HECW1: variants seen among roughly 807,000 people sequenced by gnomAD.
The protein encoded by HECW1 is HECT, C2 and WW domain containing E3 ubiquitin protein ligase 1.
In HECW1, 61 loss-of-function variants were observed where a neutral mutation model predicts 182.3. That is an observed-to-expected ratio of 0.33 (90% confidence interval 0.27 to 0.41). The LOEUF (loss-of-function observed/expected upper bound fraction) is 0.41, where lower values mean the gene tolerates loss of function less well. Among genes scored for constraint, HECW1 ranks in the 10% least tolerant of loss-of-function variants. The pLI, the probability that HECW1 is intolerant of heterozygous loss-of-function variation, is 1.00. For synonymous variants in HECW1, 859 were observed against 832.6 expected (o/e 1.03, Z -0.55); for missense variants, 1,739 against 2,108.9 (o/e 0.82, Z 3.44).
In HECW1 at chr7:43,444,810, C is replaced by A. The variant is rs761337818; in HGVS notation, c.1638C>A (p.Ile546=). 22 of 1,613,944 alleles carry A rather than the reference C, an allele frequency of 1.4e-5. No homozygotes were observed. The highest frequency in any genetic ancestry group is 1.7e-5 in the Admixed American group (1 of 60,016). ...SLPVSELETV[I]ASACGDPETP... ...CTGTGTCCGAGCTGGAGACGGTGATCGCGTCAGCCTGCGGGGACCCCGAGA... is the reference window on the plus strand; with the variant it reads ...CTGTGTCCGAGCTGGAGACGGTGATAGCGTCAGCCTGCGGGGACCCCGAGA... The change falls in exon 11 of 30, where the codon ATC becomes ATA. Residue 546 remains isoleucine, a synonymous_variant. Transcript: ENST00000395891. This position sits in a 1 kb window ranked among gnomAD's most constrained non-coding sequence, Gnocchi z 4.3.
intron 3 of HECW1, among the ~76,000 whole-genome samples, chr7:43,280,329 G>T (rs560016009): frequency 6.6e-6 from 1 of 152,098 alleles, no homozygotes; most frequent in African/African-American, 2.4e-5. Context: ...GACCTTACCC[G>T]TCCAGTGTCA....
intron 28 of HECW1, 24 bp downstream of exon 28, chr7:43,552,360 A>AT: frequency 5.4e-6 from 7 of 1,302,070 alleles, no homozygotes; most frequent in Non-Finnish European, 7.8e-6. Context: ...AGCTGTAATG[A>AT]TGCAATGATC....
intron 27 of HECW1, among the ~76,000 whole-genome samples, chr7:43,551,474 TA>T: frequency 6.6e-6 from 1 of 151,958 alleles, no homozygotes; most frequent in East Asian, 2.0e-4. Flanking sequence ...AAATAAGTCA[TA>T]ATTGCATGTG....
At chr7:43,252,126 T>G (rs141310163) in intron 3 of HECW1, among the ~76,000 whole-genome samples, 156 of 152,292 alleles carry the variant, frequency 1.0e-3, no homozygotes, top group Non-Finnish European at 2.0e-3. Context: ...CTGCGAGCCC[T>G]CTACTCAGCA....
At chr7:43,484,934 C>T (rs151170835) in intron 17 of HECW1, among the ~76,000 whole-genome samples, 203 of 152,266 alleles carry the variant, frequency 1.3e-3, no homozygotes, top group South Asian at 5.4e-3. Context: ...CCCATCTTAG[C>T]AAGGAAATCA....
At chr7:43,265,435 C>T (rs1293071849) in intron 3 of HECW1, among the ~76,000 whole-genome samples, 1 of 152,164 alleles carries the variant, frequency 6.6e-6, no homozygotes, top group Non-Finnish European at 1.5e-5. Flanking sequence ...GATTTTATTA[C>T]AGAAGCATAA....
At chr7:43,520,367 C>G (rs2080402498) in intron 24 of HECW1, among the ~76,000 whole-genome samples, 1 of 152,142 alleles carries the variant, frequency 6.6e-6, no homozygotes, top group African/African-American at 2.4e-5. Flanking sequence ...ACAGCCAAAG[C>G]ACGAGGACCA....
intron 7 of HECW1, among the ~76,000 whole-genome samples, chr7:43,406,018 C>G (rs1008968337): frequency 2.0e-5 from 3 of 152,230 alleles, no homozygotes; most frequent in Non-Finnish European, 2.9e-5. Flanking sequence ...CCTCTTCCTA[C>G]TTTATCCACT....
intron 2 of HECW1, among the ~76,000 whole-genome samples, chr7:43,137,584 C>G (rs1787698473): frequency 6.7e-6 from 1 of 149,544 alleles, no homozygotes; most frequent in Non-Finnish European, 1.5e-5. Context: ...GGGTCTTGCT[C>G]TGTCATCCAG....
At chr7:43,180,464 C>G (rs995978234) in intron 2 of HECW1, among the ~76,000 whole-genome samples, 1 of 151,982 alleles carries the variant, frequency 6.6e-6, no homozygotes, top group African/African-American at 2.4e-5. Context: ...GGTGCGATCT[C>G]GGCTCACTGC....
intron 5 of HECW1, among the ~76,000 whole-genome samples, chr7:43,325,544 G>T (rs1810650175): frequency 6.6e-6 from 1 of 152,140 alleles, no homozygotes; most frequent in Non-Finnish European, 1.5e-5. Flanking sequence ...GAAGAACTGG[G>T]CAGTGTGTCT....
chr7:43,146,353 A>G (rs1788711848), intron 2 of HECW1, among the ~76,000 whole-genome samples: 1 of 152,164 alleles, frequency 6.6e-6, no homozygotes, highest in Admixed American at 6.5e-5. Flanking sequence ...GTAACAATCA[A>G]AAATATCTCC....
chr7:43,538,982 T>C (rs2081273572), intron 24 of HECW1, among the ~76,000 whole-genome samples: 1 of 152,200 alleles, frequency 6.6e-6, no homozygotes. Context: ...TTTTTTTTTC[T>C]CCAGAAATTG....
intron 2 of HECW1, among the ~76,000 whole-genome samples, chr7:43,234,723 T>C (rs993323976): frequency 6.6e-6 from 1 of 152,142 alleles, no homozygotes; most frequent in African/African-American, 2.4e-5. Flanking sequence ...TTATTTATTG[T>C]GTTTTTGGTT....
chr7:43,336,716 T>G (rs1479782237), intron 5 of HECW1, among the ~76,000 whole-genome samples: 1 of 152,150 alleles, frequency 6.6e-6, no homozygotes, highest in African/African-American at 2.4e-5. Flanking sequence ...TCTCCCCACT[T>G]TTGGGGTCCT....
intron 24 of HECW1, among the ~76,000 whole-genome samples, chr7:43,514,224 G>A (rs1327840494): frequency 1.3e-5 from 2 of 151,976 alleles, no homozygotes. Flanking sequence ...ATAATTTACA[G>A]AACAGTATGT....
chr7:43,187,906 C>A (rs1212237459), intron 2 of HECW1, among the ~76,000 whole-genome samples: 4 of 152,178 alleles, frequency 2.6e-5, no homozygotes, highest in Non-Finnish European at 1.5e-5. Context: ...TGAATTTTTT[C>A]ACATGTGCAA....
chr7:43,243,731 T>C lies in HECW1; in HGVS notation c.-31-144T>C. The C allele has an allele frequency of 2.9e-6, 2 of 692,608 alleles. No individual in the cohort carries two copies. Among genetic ancestry groups the C allele is most frequent in the Non-Finnish European group, 5.4e-6 (2 of 373,328 alleles). 42.9% of individuals were successfully genotyped at this position (692,608 alleles called of 1,614,324 possible). A position where few individuals can be genotyped will look rare whatever the true frequency, so the allele number is the denominator to read the frequency against. On this transcript the variant is annotated intron_variant, in intron 2 of 29. Coordinates refer to ENST00000395891, the MANE Select transcript of HECW1 (RefSeq NM_015052.5). The surrounding 1 kb of genome is among the most constrained non-coding windows in gnomAD (Gnocchi z 4.0). ...TTTATCAAAATGAGTGTGGTCCTTG[T>C]GTGATTTTTCCTTTTGCACGTCGGT...
chr7:43,501,312 G>A lies in HECW1; in HGVS notation c.3621G>A (p.Gln1207=), dbSNP rs572271145. The change falls in exon 21 of 30, where the codon CAG becomes CAA. Residue 1207 remains glutamine (Q), a synonymous_variant. Coordinates refer to ENST00000395891, the MANE Select transcript of HECW1 (RefSeq NM_015052.5). The part of the protein sequence containing the change: ...SPRCSPCSSP[Q]NSPGLQRASA... ...GATGTTCACCCTGTTCTTCACCTCA[G>A]AACTCCCCAGGTAACAGGAATCTGG... is the stretch of plus-strand genomic sequence containing the variant. 5.2e-5 allele frequency: 82 copies of A among 1,590,046 alleles called. 1 individual carries two copies. The South Asian group carries it at 6.5e-4, about 13-fold the overall frequency.
Sources: gnomAD v4.1 joint callset for allele counts (sites outside exome capture counted in the v4.1 genomes callset) on GRCh38, gnomAD v4.1.1 for gene constraint, Gnocchi (gnomAD v3.1) non-coding constraint, MANE v1.5 for transcripts, NCBI Gene and HGNC (gene_info 2026-07-23, HGNC 2026-07-21) for gene names.